Variants in ASIC2 observed in about 807,000 individuals in gnomAD.
The protein encoded by ASIC2 is acid sensing ion channel subunit 2.
Under a neutral mutation model 57.3 loss-of-function variants are expected in ASIC2, and 25 were observed. That is an observed-to-expected ratio of 0.44 (90% confidence interval 0.32 to 0.61). The LOEUF is 0.61. ASIC2 is among the 20% of genes least tolerant of loss of function. The pLI is 0.06. For missense variants in ASIC2, 641 were observed against 738.1 expected (o/e 0.87, Z 1.52); for synonymous variants, 319 against 307.5 (o/e 1.04, Z -0.39).
chr17:33,969,355 T>A (rs1232169874), intron 1 of ASIC2, among the ~76,000 whole-genome samples: 1 of 152,188 alleles, frequency 6.6e-6, no homozygotes, highest in East Asian at 1.9e-4. Context: ...ATGGAGGATG[T>A]AAGCAAATGA....
chr17:33,145,231 T>G (rs972160206), intron 1 of ASIC2, among the ~76,000 whole-genome samples: 2 of 152,242 alleles, frequency 1.3e-5, no homozygotes, highest in Non-Finnish European at 2.9e-5. Context: ...TCTACCAGCT[T>G]CCAGCTCAGG....
chr17:33,458,501 GTT>G (rs1912527926), intron 1 of ASIC2, among the ~76,000 whole-genome samples: 1 of 152,206 alleles, frequency 6.6e-6, no homozygotes, highest in African/African-American at 2.4e-5. Context: ...AAGTTGGACC[GTT>G]GGGTTTGAAT....
chr17:33,046,622 T>C (rs947470943), intron 3 of ASIC2, among the ~76,000 whole-genome samples: 16 of 152,096 alleles, frequency 1.1e-4, no homozygotes, highest in Non-Finnish European at 2.4e-4. Context: ...CACCACAACC[T>C]TAGCCCTCCA....
intron 1 of ASIC2, chr17:33,955,626 G>C (rs1486358814): frequency 6.6e-6 from 1 of 152,104 alleles, no homozygotes; most frequent in Admixed American, 6.6e-5. Context: ...GCACCAGCTG[G>C]CAGGCACCTT....
At position 33,316,177 on chromosome 17, in the gene ASIC2, A is replaced by G. The variant is rs375819697; in HGVS notation, c.556-204110T>C. On this transcript the variant is annotated intron_variant, in intron 1 of 9. Transcript: ENST00000359872. ...GAGCTAATTTACTTTCAGCCTTACT[A>G]TGTTTAGTTTCATACTCTCTAATCC... Among the ~76,000 whole-genome samples the G allele has an allele frequency of 1.2e-4, 18 of 152,232 alleles. No individual in the cohort carries two copies. The South Asian group carries it at 3.7e-3, about 32-fold the overall frequency.
chr17:33,440,920 A>G (rs1171829451), intron 1 of ASIC2, among the ~76,000 whole-genome samples: 1 of 152,092 alleles, frequency 6.6e-6, no homozygotes, highest in African/African-American at 2.4e-5. Flanking sequence ...ATTACTTGCA[A>G]ATATTTCTTC....
intron 1 of ASIC2, among the ~76,000 whole-genome samples, chr17:33,258,236 G>A (rs548425373): frequency 6.6e-6 from 1 of 152,308 alleles, no homozygotes; most frequent in South Asian, 2.1e-4. Flanking sequence ...TAGTTACACT[G>A]GGTGCTGCCC....
chr17:33,812,814 A>G (rs573731881), intron 1 of ASIC2, among the ~76,000 whole-genome samples: 1 of 152,336 alleles, frequency 6.6e-6, no homozygotes, highest in East Asian at 1.9e-4. Flanking sequence ...ACAGGATCCT[A>G]CCTGGACCCT....
chr17:33,311,094 G>T (rs1242762229), intron 1 of ASIC2, among the ~76,000 whole-genome samples: 2 of 152,184 alleles, frequency 1.3e-5, no homozygotes, highest in African/African-American at 4.8e-5. Flanking sequence ...TTCCATCCTA[G>T]GCTGGAAAGA....
At chr17:34,065,845 A>G (rs1011206643) in intron 1 of ASIC2, among the ~76,000 whole-genome samples, 31 of 152,174 alleles carry the variant, frequency 2.0e-4, no homozygotes, top group African/African-American at 7.5e-4. Context: ...TTGACTCTGA[A>G]AGGCCTTTCT....
intron 1 of ASIC2, among the ~76,000 whole-genome samples, chr17:33,557,704 T>C (rs1161823417): frequency 1.3e-5 from 2 of 152,172 alleles, no homozygotes; most frequent in African/African-American, 4.8e-5. Context: ...ACACCAATGA[T>C]CTCATTTTTC....
chr17:33,015,587 G>A (rs2091801464), intron 9 of ASIC2, among the ~76,000 whole-genome samples: 1 of 152,208 alleles, frequency 6.6e-6, no homozygotes, highest in Non-Finnish European at 1.5e-5. Flanking sequence ...GAATGGGATG[G>A]AGGGCCAATG....
intron 1 of ASIC2, among the ~76,000 whole-genome samples, chr17:33,403,361 T>C (rs1437029858): frequency 1.3e-5 from 2 of 152,236 alleles, no homozygotes; most frequent in Non-Finnish European, 2.9e-5. Context: ...CAGAATTACT[T>C]TCCCATTAAC....
chr17:34,005,217 G>A (rs995563201), intron 1 of ASIC2: 1 of 151,898 alleles, frequency 6.6e-6, no homozygotes, highest in Admixed American at 6.6e-5. Flanking sequence ...ACTCCTGTAA[G>A]GCTCATAAAG....
chr17:33,544,576 C>T (rs1380185014), intron 1 of ASIC2, among the ~76,000 whole-genome samples: 5 of 152,038 alleles, frequency 3.3e-5, no homozygotes, highest in Admixed American at 6.6e-5. Flanking sequence ...CATTCTGAGC[C>T]GGGAGGTTGA....
intron 1 of ASIC2, among the ~76,000 whole-genome samples, chr17:33,332,505 C>G (rs76495945): frequency 0.11 from 17,318 of 152,164 alleles, 1,239 homozygotes; most frequent in East Asian, 0.27. Context: ...GTCACATTTT[C>G]AAGTGCTCAA....
chr17:33,445,361 G>C (rs1341447024), intron 1 of ASIC2, among the ~76,000 whole-genome samples: 1 of 152,176 alleles, frequency 6.6e-6, no homozygotes, highest in African/African-American at 2.4e-5. Flanking sequence ...AACCTGGGAG[G>C]CAGATGTTGC....
chr17:33,839,741 C>T (rs1231611576), intron 1 of ASIC2, among the ~76,000 whole-genome samples: 1 of 152,132 alleles, frequency 6.6e-6, no homozygotes, highest in Non-Finnish European at 1.5e-5. Context: ...CTGTCTTATT[C>T]CTGTTTTGTT....
intron 1 of ASIC2, among the ~76,000 whole-genome samples, chr17:34,130,248 TCC>T (rs570338703): frequency 0.19 from 29,191 of 152,178 alleles, 3,451 homozygotes; most frequent in South Asian, 0.36. Flanking sequence ...CCAGCAAAGC[TCC>T]TTAAACCCTT....
Sources: gnomAD v4.1 joint callset for allele counts (sites outside exome capture counted in the v4.1 genomes callset) on GRCh38, gnomAD v4.1.1 for gene constraint, MANE v1.5 for transcripts, NCBI Gene and HGNC (gene_info 2026-07-23, HGNC 2026-07-21) for gene names.